Variants in SGF29 observed in about 807,000 individuals in gnomAD.
SGF29 encodes SAGA complex associated factor 29, also known as SAGA-associated factor 29.
Under a neutral mutation model 38.1 loss-of-function variants are expected in SGF29, and 15 were observed. The observed-to-expected ratio is 0.39, with a 90% CI of 0.26 to 0.61. The LOEUF is 0.61. Ranked by LOEUF, SGF29 falls within the 20% of genes least tolerant of loss-of-function variation. SGF29 has a pLI of 0.49. For missense variants in SGF29, 184 were observed against 394.6 expected, an observed-to-expected ratio of 0.47 and a Z score of 4.52; for synonymous variants, 151 against 160.8, an observed-to-expected ratio of 0.94 and a Z score of 0.46.
At chr16:28,557,694 G>A (rs529204785) in intron 1 of SGF29, among the ~76,000 whole-genome samples, 2 of 152,306 alleles carry the variant, frequency 1.3e-5, no homozygotes, top group South Asian at 4.1e-4. Context: ...CTCTGTCTGG[G>A]TGGATAGTGT....
At chr16:28,571,291 G>T (rs1348341210) in intron 1 of SGF29, among the ~76,000 whole-genome samples, 1 of 152,034 alleles carries the variant, frequency 6.6e-6, no homozygotes, top group African/African-American at 2.4e-5. Flanking sequence ...TCAGAACTGT[G>T]AGCAATAAAT....
At position 28,591,590 on chromosome 16, in the gene SGF29, C is replaced by T. The variant is rs2046991785; in HGVS notation, c.766C>T (p.Pro256Ser). The T allele has an allele frequency of 5.6e-6, 9 of 1,608,834 alleles. No homozygotes were observed. The highest frequency in any genetic ancestry group is 7.7e-6 in the Non-Finnish European group (9 of 1,175,174). Residue 256 changes from proline (P) to serine (S), a missense_variant and splice_region_variant, in exon 10 of 10, where the codon CCC (proline) becomes TCC (serine). This residue lies in a region of SGF29 where 107 missense variants were observed against 276.9 expected (regional missense o/e 0.39). Coordinates refer to ENST00000317058, the MANE Select transcript of SGF29 (RefSeq NM_138414.3). The stretch of plus-strand genomic sequence containing the variant: ...CCCCTCCTGTCTGCCTGCCCCACAG[C>T]CCCAGGATGACTACTCGGTCCTGTT... Reference protein sequence around the residue: ...RALIHAPPQRPQDDYSVLFED... With the variant: ...RALIHAPPQRSQDDYSVLFED...
intron 1 of SGF29, among the ~76,000 whole-genome samples, chr16:28,557,508 T>C (rs1861271786): frequency 6.6e-6 from 1 of 152,236 alleles, no homozygotes; most frequent in African/African-American, 2.4e-5. Flanking sequence ...AGTGTTTCCC[T>C]GAGTGCTGAG....
At chr16:28,562,606 T>C (rs2046796354) in intron 1 of SGF29, among the ~76,000 whole-genome samples, 2 of 152,158 alleles carry the variant, frequency 1.3e-5, no homozygotes, top group South Asian at 4.2e-4. Context: ...AGACAATCCA[T>C]TAAGACAGTT....
intron 1 of SGF29, among the ~76,000 whole-genome samples, chr16:28,568,081 G>A (rs766293283): frequency 2.0e-5 from 3 of 152,000 alleles, no homozygotes; most frequent in Non-Finnish European, 4.4e-5. Flanking sequence ...GGGAGGCTGA[G>A]GTGGGTGGAT....
At chr16:28,588,614 G>A (rs960474260) in intron 4 of SGF29, 7 of 432,890 alleles carry the variant, frequency 1.6e-5, no homozygotes, top group African/African-American at 1.3e-4. Context: ...GCCCAGGTTG[G>A]AGTGCAATGA....
At chr16:28,589,968 G>C in intron 5 of SGF29, 128 bp from the exon 6 acceptor site, 2 of 1,339,122 alleles carry the variant, frequency 1.5e-6, no homozygotes, top group Non-Finnish European at 1.0e-6. Context: ...TCACAGTCCT[G>C]CTGGGCCCTC....
intron 3 of SGF29, 144 bp from the exon 4 acceptor site, chr16:28,585,504 A>C: frequency 1.4e-6 from 1 of 727,296 alleles, no homozygotes; most frequent in Non-Finnish European, 2.4e-6. Context: ...CATCCGCCTC[A>C]GGAGCACTCC....
chr16:28,557,854 G>GT (rs2046761975), intron 1 of SGF29, among the ~76,000 whole-genome samples: 1 of 150,384 alleles, frequency 6.6e-6, no homozygotes, highest in Non-Finnish European at 1.5e-5. Flanking sequence ...AGAAAGTTTT[G>GT]TTTTTTCCTC....
chr16:28,580,510 T>TC (rs76558823), intron 1 of SGF29, among the ~76,000 whole-genome samples: 5,718 of 152,020 alleles, frequency 0.038, 231 homozygotes, highest in East Asian at 0.21. Context: ...CTTGCAGCTG[T>TC]CCAAGTCCAG....
At chr16:28,559,172 TA>T (rs1346660262) in intron 1 of SGF29, among the ~76,000 whole-genome samples, 1 of 152,066 alleles carries the variant, frequency 6.6e-6, no homozygotes, top group African/African-American at 2.4e-5. Flanking sequence ...ATTATAAAAT[TA>T]GCTGGGCGTG....
At chr16:28,568,811 G>A (rs552956523) in intron 1 of SGF29, among the ~76,000 whole-genome samples, 1 of 152,248 alleles carries the variant, frequency 6.6e-6, no homozygotes. Flanking sequence ...TACTTGGGAG[G>A]CTGAGGCAGG....
chr16:28,566,461 G>A (rs957357379), intron 1 of SGF29, among the ~76,000 whole-genome samples: 3 of 151,992 alleles, frequency 2.0e-5, no homozygotes, highest in African/African-American at 7.2e-5. Flanking sequence ...CAGATAGAGG[G>A]AACAGTGTGA....
chr16:28,579,306 G>A (rs1457736644), intron 1 of SGF29, among the ~76,000 whole-genome samples: 2 of 141,146 alleles, frequency 1.4e-5, no homozygotes, highest in Non-Finnish European at 3.0e-5. Flanking sequence ...TCGCCAGGCT[G>A]GAGTGCAGTG....
chr16:28,568,596 T>TG (rs906413970), intron 1 of SGF29, among the ~76,000 whole-genome samples: 16 of 73,924 alleles, frequency 2.2e-4, no homozygotes, highest in South Asian at 8.0e-4. Context: ...AAGGGGTGGT[T>TG]GGGGGGGGCT....
Position 28,591,756 on chromosome 16 carries a change from G to A in SGF29, c.*50G>A, listed in dbSNP as rs1370482359. 1 of 1,453,008 alleles carries A rather than the reference G, an allele frequency of 6.9e-7. No homozygotes were observed. Among genetic ancestry groups the A allele is most frequent in the Non-Finnish European group, 9.6e-7 (1 of 1,037,548 alleles). 90.0% of individuals were successfully genotyped at this position (1,453,008 alleles called of 1,614,324 possible). On this transcript the variant is annotated 3_prime_UTR_variant, in exon 10 of 10. Transcript: ENST00000317058. ...CCCAACGACACAGGGCAGGACAGCA[G>A]AGGACGTGCTGGGATTAAACACATT...
At chr16:28,563,244 G>T (rs1338480660) in intron 1 of SGF29, among the ~76,000 whole-genome samples, 1 of 152,224 alleles carries the variant, frequency 6.6e-6, no homozygotes, top group African/African-American at 2.4e-5. Context: ...GAGGATGTTT[G>T]CGTGGTAAGA....
chr16:28,575,238 C>T (rs934133704), intron 1 of SGF29, among the ~76,000 whole-genome samples: 1 of 152,156 alleles, frequency 6.6e-6, no homozygotes, highest in Non-Finnish European at 1.5e-5. Context: ...GGGATATGTT[C>T]TTCTCTATAT....
chr16:28,582,545 A>G (rs2046932333), intron 2 of SGF29, among the ~76,000 whole-genome samples: 1 of 152,222 alleles, frequency 6.6e-6, no homozygotes, highest in African/African-American at 2.4e-5. Context: ...GAGACTGCGC[A>G]GGGCAGAGCA....
Sources: allele counts gnomAD v4.1 joint callset (sites outside exome capture counted in the v4.1 genomes callset), GRCh38; gene constraint gnomAD v4.1.1; regional missense constraint gnomAD v4.1.1; transcripts MANE v1.5; gene names NCBI Gene and HGNC (gene_info 2026-07-23, HGNC 2026-07-21).